The following WDPCP variants were observed in gnomAD, a reference collection of about 807,000 sequenced individuals.
The protein encoded by WDPCP is WD repeat containing planar cell polarity effector.
A neutral mutation model predicts 93.1 loss-of-function variants in WDPCP; 71 were observed. The ratio of observed to expected loss-of-function variants is 0.76; its 90% CI spans 0.63 to 0.93. The LOEUF is 0.93. Among genes scored for constraint, WDPCP ranks in the 40% least tolerant of loss-of-function variants. WDPCP has a pLI of 0.00. For missense variants in WDPCP, 844 were observed against 887.4 expected, an observed-to-expected ratio of 0.95 and a Z score of 0.62; for synonymous variants, 315 against 315.0, an observed-to-expected ratio of 1.00 and a Z score of 0.00.
intron 2 of WDPCP, among the ~76,000 whole-genome samples, chr2:63,685,320 T>C (rs1668790381): frequency 6.6e-6 from 1 of 152,216 alleles, no homozygotes. Context: ...GTGGCTACTA[T>C]GAGCAACTTT....
chr2:63,649,612 A>C (rs1002283668), intron 3 of WDPCP, among the ~76,000 whole-genome samples: 3 of 152,224 alleles, frequency 2.0e-5, no homozygotes, highest in Non-Finnish European at 4.4e-5. Context: ...TAATTTTCTA[A>C]GGAACTGAAT....
intron 2 of WDPCP, among the ~76,000 whole-genome samples, chr2:63,780,231 A>G (rs1470878406): frequency 6.6e-6 from 1 of 152,150 alleles, no homozygotes; most frequent in African/African-American, 2.4e-5. Flanking sequence ...CCAAAAAGTG[A>G]TTGGCAGTCG....
chr2:63,320,684 G>C (rs1186908994), intron 12 of WDPCP, among the ~76,000 whole-genome samples: 2 of 151,898 alleles, frequency 1.3e-5, no homozygotes, highest in East Asian at 3.9e-4. Context: ...AAAAAACAGT[G>C]CAAGTAGGTA....
chr2:63,235,774 A>C (rs907723042), intron 14 of WDPCP, among the ~76,000 whole-genome samples: 2 of 152,196 alleles, frequency 1.3e-5, no homozygotes. Context: ...GACACAGAAA[A>C]AGCCTTTGAT....
At chr2:63,428,053 A>G (rs1696451516) in intron 9 of WDPCP, among the ~76,000 whole-genome samples, 3 of 152,098 alleles carry the variant, frequency 2.0e-5, no homozygotes, top group African/African-American at 7.2e-5. Context: ...GAACAGACCA[A>G]TAATGTGTTC....
chr2:63,188,938 T>G (rs1418636509), intron 14 of WDPCP, among the ~76,000 whole-genome samples: 1 of 152,172 alleles, frequency 6.6e-6, no homozygotes, highest in East Asian at 1.9e-4. Context: ...TACTTTTACT[T>G]AGGGGAAAAC....
intron 13 of WDPCP, among the ~76,000 whole-genome samples, chr2:63,272,628 G>C (rs141285545): frequency 6.6e-6 from 1 of 152,246 alleles, no homozygotes; most frequent in East Asian, 1.9e-4. Context: ...AAATTCAACA[G>C]AGATATCATT....
upstream of WDPCP, among the ~76,000 whole-genome samples, chr2:63,829,165 T>G (rs918587155): frequency 6.6e-6 from 1 of 152,148 alleles, no homozygotes; most frequent in Non-Finnish European, 1.5e-5. Context: ...AAAACTCAAG[T>G]AGGAAATACA....
chr2:63,710,139 A>C (rs1013843015), intron 2 of WDPCP, among the ~76,000 whole-genome samples: 1 of 152,168 alleles, frequency 6.6e-6, no homozygotes, highest in Non-Finnish European at 1.5e-5. Flanking sequence ...CTCTACACTG[A>C]CCACATCAAC....
intron 6 of WDPCP, among the ~76,000 whole-genome samples, chr2:63,444,667 C>T (rs1697728035): frequency 6.6e-6 from 1 of 152,176 alleles, no homozygotes; most frequent in Non-Finnish European, 1.5e-5. Flanking sequence ...AGGGAGGCAT[C>T]TCTGAAGCAG....
chr2:63,426,279 T>C (rs1024069067), intron 9 of WDPCP, among the ~76,000 whole-genome samples: 5 of 151,932 alleles, frequency 3.3e-5, no homozygotes, highest in Non-Finnish European at 5.9e-5. Flanking sequence ...TAAGCGGAGG[T>C]TGCAGTGAGC....
chr2:63,480,480 G>A (rs929327055), intron 6 of WDPCP, among the ~76,000 whole-genome samples: 1 of 151,868 alleles, frequency 6.6e-6, no homozygotes. Context: ...TCCTGACTTC[G>A]AACTATAATA....
intron 13 of WDPCP, among the ~76,000 whole-genome samples, chr2:63,269,103 C>T (rs751665342): frequency 1.3e-4 from 19 of 151,776 alleles, no homozygotes; most frequent in Non-Finnish European, 2.1e-4. Context: ...TCTAAATGGA[C>T]AATATACATA....
chr2:63,580,165 C>A (rs886784744), intron 1 of WDPCP, among the ~76,000 whole-genome samples: 1 of 152,022 alleles, frequency 6.6e-6, no homozygotes, highest in African/African-American at 2.4e-5. Context: ...GAGCAGCAAA[C>A]AAAGGCAGAT....
intron 6 of WDPCP, among the ~76,000 whole-genome samples, chr2:63,462,496 T>A (rs1047973794): frequency 2.0e-5 from 3 of 152,056 alleles, no homozygotes; most frequent in African/African-American, 7.2e-5. Context: ...ACTTAATGTA[T>A]AATAAAAAAT....
At chr2:63,661,458 A>G (rs1016503283) in intron 2 of WDPCP, among the ~76,000 whole-genome samples, 2 of 152,228 alleles carry the variant, frequency 1.3e-5, no homozygotes, top group African/African-American at 2.4e-5. Flanking sequence ...ATTTTTCATG[A>G]CAATGTTCTT....
intron 2 of WDPCP, among the ~76,000 whole-genome samples, chr2:63,702,750 T>TTTTTAATTATACTTTA (rs1669079380): frequency 1.3e-5 from 2 of 151,858 alleles, no homozygotes; most frequent in Non-Finnish European, 2.9e-5. Context: ...CTTTAAGTTT[T>TTTTTAATTATACTTTA]AGGGTACATG....
At position 63,776,699 on chromosome 2, in the gene WDPCP, G is replaced by A. The variant is rs189234847; in HGVS notation, n.308+36923C>T. ...AAAAAGATATAAAGATAGAAAACAA[G>A]CACATGAAAGATGTTCAACATCATT... On this transcript the variant is annotated intron_variant and non_coding_transcript_variant, in intron 2 of 4. Coordinates refer to the WDPCP transcript ENST00000467687. 3.0e-4 allele frequency among the ~76,000 whole-genome samples: 42 copies of A among 140,812 alleles called. No individual in the cohort carries two copies. In the East Asian group the frequency reaches 8.4e-3, roughly 28 times the overall value. 92.4% of individuals were successfully genotyped at this position (140,812 alleles called of 152,430 possible).
At chr2:63,777,366 G>A (rs1022674439) in intron 2 of WDPCP, among the ~76,000 whole-genome samples, 32 of 152,284 alleles carry the variant, frequency 2.1e-4, no homozygotes, top group African/African-American at 7.5e-4. Flanking sequence ...TGATAGGAGC[G>A]TAAAATGTCA....
Sources: allele counts gnomAD v4.1 joint callset (sites outside exome capture counted in the v4.1 genomes callset), GRCh38; gene constraint gnomAD v4.1.1; transcripts MANE v1.5; gene names NCBI Gene and HGNC (gene_info 2026-07-23, HGNC 2026-07-21).